Variants in DST observed in about 807,000 individuals in gnomAD.
The protein encoded by DST is bullous pemphigoid antigen.
DST carries 253 observed loss-of-function variants against 875.2 expected under a neutral mutation model. The ratio of observed to expected loss-of-function variants is 0.29; its 90% CI spans 0.26 to 0.32. DST has a LOEUF of 0.32. Ranked by LOEUF, DST falls within the 10% of genes least tolerant of loss-of-function variation. The pLI is 1.00. For missense variants in DST, 8,287 were observed against 9,111.6 expected, an observed-to-expected ratio of 0.91 and a Z score of 3.68; for synonymous variants, 3,124 against 3,197.1, an observed-to-expected ratio of 0.98 and a Z score of 0.77.
At chr6:56,860,125 T>G (rs1424541577) in intron 3 of DST, among the ~76,000 whole-genome samples, 2 of 152,182 alleles carry the variant, frequency 1.3e-5, no homozygotes, top group East Asian at 3.8e-4. Flanking sequence ...CCCTAGTGGT[T>G]TCCCCTTTAA....
chr6:56,933,189 T>C (rs561649470), intron 2 of DST, among the ~76,000 whole-genome samples: 7 of 152,210 alleles, frequency 4.6e-5, no homozygotes, highest in Admixed American at 2.6e-4. Context: ...ACCCAGATCT[T>C]AAACAAAGCT....
intron 88 of DST, 139 bp downstream of exon 88, chr6:56,485,173 A>T: frequency 1.1e-6 from 1 of 901,512 alleles, no homozygotes; most frequent in Non-Finnish European, 1.7e-6. Flanking sequence ...TCAAACGGAC[A>T]CATATTTCAA....
chr6:56,715,532 G>A (rs1323832662), intron 5 of DST, among the ~76,000 whole-genome samples: 1 of 152,102 alleles, frequency 6.6e-6, no homozygotes, highest in Non-Finnish European at 1.5e-5. Context: ...GCGCAAAGAG[G>A]GAGGATCTCT....
At chr6:56,500,226 T>C (rs2096074029) in intron 80 of DST, among the ~76,000 whole-genome samples, 1 of 152,072 alleles carries the variant, frequency 6.6e-6, no homozygotes, top group African/African-American at 2.4e-5. Flanking sequence ...TATTTTAGTT[T>C]AGGATTTAGG....
intron 50 of DST, among the ~76,000 whole-genome samples, chr6:56,574,450 C>T (rs945598208): frequency 6.6e-6 from 1 of 152,116 alleles, no homozygotes; most frequent in African/African-American, 2.4e-5. Flanking sequence ...CTCAAATGCA[C>T]AGAAACTGGC....
intron 2 of DST, among the ~76,000 whole-genome samples, chr6:56,938,090 C>T (rs956003939): frequency 4.0e-5 from 1 of 24,778 alleles, no homozygotes; most frequent in African/African-American, 8.3e-5. Flanking sequence ...CTTTCTCTCT[C>T]TCTCTCTCTC....
chr6:56,651,370 A>G, intron 10 of DST, 126 bp from the exon 11 acceptor site: 3 of 557,536 alleles, frequency 5.4e-6, no homozygotes, highest in Non-Finnish European at 9.4e-6. Context: ...GTTAAAATGC[A>G]GAGACTTTCA....
chr6:56,883,624 T>C (rs114994409), intron 3 of DST, among the ~76,000 whole-genome samples: 33 of 152,336 alleles, frequency 2.2e-4, no homozygotes, highest in African/African-American at 7.7e-4. Context: ...TTTCTTTCTC[T>C]AATGTCTTAA....
At chr6:56,670,872 C>A in intron 9 of DST, 65 bp from the exon 10 acceptor site, 1 of 1,120,936 alleles carries the variant, frequency 8.9e-7, no homozygotes, top group Non-Finnish European at 1.2e-6. Flanking sequence ...TAAGAACCTA[C>A]TATGTGCCAA....
intron 4 of DST, among the ~76,000 whole-genome samples, chr6:56,763,720 C>CACACACAA (rs2099624555): frequency 7.0e-6 from 1 of 142,422 alleles, no homozygotes; most frequent in African/African-American, 2.5e-5. Context: ...CACACACACA[C>CACACACAA]ACACATATAG....
intron 4 of DST, among the ~76,000 whole-genome samples, chr6:56,782,066 A>T (rs2099695231): frequency 6.6e-6 from 1 of 152,090 alleles, no homozygotes; most frequent in South Asian, 2.1e-4. Context: ...CATCCCAGGG[A>T]TGAAACCCAC....
At chr6:56,832,616 CAA>C (rs34510405) in intron 4 of DST, among the ~76,000 whole-genome samples, 29 of 132,252 alleles carry the variant, frequency 2.2e-4, no homozygotes, top group African/African-American at 4.5e-4. Context: ...AATAACACTG[CAA>C]AAAAAAAAAA....
chr6:56,694,748 G>C lies in DST; in HGVS notation c.1047+4905C>G, dbSNP rs541134891. On this transcript the variant is annotated intron_variant, in intron 9 of 103. Transcript: ENST00000680361. Reference sequence around the variant, plus strand: ...TCCCAATGTTGGAGATGGGCCTAGTGGGGGGTGTCTGGGTCACAGGGGCGG... The same window carrying C: ...TCCCAATGTTGGAGATGGGCCTAGTCGGGGGTGTCTGGGTCACAGGGGCGG... Among the ~76,000 whole-genome samples the C allele has an allele frequency of 2.4e-4, 37 of 152,210 alleles. No homozygotes were observed. The East Asian group carries it at 3.7e-3, about 15-fold the overall frequency.
chr6:56,516,433 A>T (rs1236428374), intron 71 of DST, among the ~76,000 whole-genome samples: 4 of 152,198 alleles, frequency 2.6e-5, no homozygotes, highest in African/African-American at 9.6e-5. Context: ...ATTATAAACA[A>T]GCAAATTGCC....
chr6:56,662,728 T>C (rs756658954), intron 10 of DST, among the ~76,000 whole-genome samples: 1 of 151,956 alleles, frequency 6.6e-6, no homozygotes, highest in Non-Finnish European at 1.5e-5. Flanking sequence ...TCATTTGAGG[T>C]CAGGAGTTTG....
chr6:56,481,713 T>G (rs1371298602), intron 90 of DST, among the ~76,000 whole-genome samples: 1 of 152,206 alleles, frequency 6.6e-6, no homozygotes, highest in Non-Finnish European at 1.5e-5. Context: ...GAGGTTTTAT[T>G]TTTGAAATCC....
intron 4 of DST, among the ~76,000 whole-genome samples, chr6:56,758,997 C>T (rs1199764092): frequency 6.6e-6 from 1 of 152,166 alleles, no homozygotes; most frequent in Non-Finnish European, 1.5e-5. Context: ...GAGCATCATA[C>T]CAGCCCTGGC....
intron 4 of DST, among the ~76,000 whole-genome samples, chr6:56,837,604 C>G (rs1207675339): frequency 1.3e-5 from 2 of 152,164 alleles, no homozygotes; most frequent in African/African-American, 4.8e-5. Flanking sequence ...CAATCTGGTA[C>G]AGCATAACCC....
chr6:56,683,886 C>T (rs2099168496), intron 9 of DST, among the ~76,000 whole-genome samples: 1 of 152,184 alleles, frequency 6.6e-6, no homozygotes, highest in Admixed American at 6.5e-5. Context: ...AGCAAGAAAG[C>T]TAAGCTTCAT....
Sources: gnomAD v4.1 joint callset for allele counts (sites outside exome capture counted in the v4.1 genomes callset) on GRCh38, gnomAD v4.1.1 for gene constraint, MANE v1.5 for transcripts, NCBI Gene and HGNC (gene_info 2026-07-23, HGNC 2026-07-21) for gene names.